The following FREM1 variants were observed in gnomAD, a reference collection of about 807,000 sequenced individuals.
FREM1 encodes the protein FRAS1-related extracellular matrix protein 1.
Under a neutral mutation model 210.1 loss-of-function variants are expected in FREM1, and 220 were observed. The ratio of observed to expected loss-of-function variants is 1.05; its 90% CI spans 0.94 to 1.17. The LOEUF is 1.17. Ranked by LOEUF, FREM1 falls within the 50% of genes most tolerant of loss-of-function variation. FREM1 has a pLI of 0.00. For synonymous variants in FREM1, 1,189 were observed against 980.2 expected (o/e 1.21, Z -3.98); for missense variants, 3,454 against 2,675.5 (o/e 1.29, Z -6.42).
chr9:14,883,435 G>A (rs1340211052), intron 1 of FREM1, among the ~76,000 whole-genome samples: 1 of 152,020 alleles, frequency 6.6e-6, no homozygotes, highest in Admixed American at 6.6e-5. Context: ...TTTTTCTCTT[G>A]GTGTTGGGAA....
intron 12 of FREM1, among the ~76,000 whole-genome samples, chr9:14,823,626 G>GT (rs139214765): frequency 0.26 from 40,071 of 152,022 alleles, 6,124 homozygotes; most frequent in Non-Finnish European, 0.34. Flanking sequence ...AAAGCTCATA[G>GT]TCCTTTATGT....
chr9:14,900,270 C>T (rs933156991), intron 1 of FREM1, among the ~76,000 whole-genome samples: 2 of 152,202 alleles, frequency 1.3e-5, no homozygotes, highest in African/African-American at 4.8e-5. Flanking sequence ...GGGGCCCAGG[C>T]ATCTGAATTT....
chr9:14,876,115 G>GGGGGTGA (rs1554716812), intron 1 of FREM1, among the ~76,000 whole-genome samples: 1 of 151,252 alleles, frequency 6.6e-6, no homozygotes, highest in Non-Finnish European at 1.5e-5. Flanking sequence ...TAGGCTGCTC[G>GGGGGTGA]GGGGTCAGGG....
At position 14,910,317 on chromosome 9, in the gene FREM1, C is replaced by T. The variant is rs566026361; in HGVS notation, c.-671G>A. The T allele has an allele frequency of 2.0e-5, 3 of 152,416 alleles. No homozygotes were observed. Among genetic ancestry groups the T allele is most frequent in the East Asian group, 1.9e-4 (1 of 5,186 alleles). The allele number at this position is 152,416 out of a possible 1,614,324, so 9.4% of individuals were successfully genotyped here. A position where few individuals can be genotyped will look rare whatever the true frequency, so the allele number is the denominator to read the frequency against. On this transcript the variant is annotated 5_prime_UTR_variant, in exon 1 of 37. Coordinates refer to ENST00000380880, the MANE Select transcript of FREM1 (RefSeq NM_001379081.2). ...CCTGGCGGACAGCCACCGCTAGCCC[C>T]GTGCCTTCTGCTGGTTGGGTCCGCA...
At chr9:14,756,276 G>T in intron 29 of FREM1, 98 bp downstream of exon 29, 1 of 882,194 alleles carries the variant, frequency 1.1e-6, no homozygotes. Context: ...GTTGGCTAAA[G>T]TTGTGTAACA....
chr9:14,853,806 A>C (rs1225888244), intron 5 of FREM1, among the ~76,000 whole-genome samples: 2 of 152,218 alleles, frequency 1.3e-5, no homozygotes, highest in African/African-American at 4.8e-5. Context: ...GTCACTGGGA[A>C]GAAGTATTAT....
chr9:14,878,308 A>C (rs1292227643), intron 1 of FREM1, among the ~76,000 whole-genome samples: 2 of 151,902 alleles, frequency 1.3e-5, no homozygotes, highest in African/African-American at 4.8e-5. Flanking sequence ...TCCTCAAACA[A>C]ATCAAGATCC....
chr9:14,784,310 T>G, intron 24 of FREM1, 60 bp downstream of exon 24: 1 of 1,495,808 alleles, frequency 6.7e-7, no homozygotes, highest in Non-Finnish European at 9.2e-7. Context: ...CATTAACAGA[T>G]CTCCTTTTCT....
At chr9:14,900,996 AG>A (rs2132601465) in intron 1 of FREM1, among the ~76,000 whole-genome samples, 2 of 152,366 alleles carry the variant, frequency 1.3e-5, no homozygotes, top group South Asian at 2.1e-4. Flanking sequence ...CATAAAGTTT[AG>A]CTACTAAAAT....
At chr9:14,786,309 AC>A (rs1239723711) in intron 23 of FREM1, among the ~76,000 whole-genome samples, 1 of 152,172 alleles carries the variant, frequency 6.6e-6, no homozygotes, top group African/African-American at 2.4e-5. Flanking sequence ...TGTCTTTAAT[AC>A]CTAGGGAGCT....
chr9:14,824,259 ATTCTAGCATTAAGTCCAGT>A (rs1303339633), intron 11 of FREM1, 144 bp from the exon 12 acceptor site: 12 of 597,158 alleles, frequency 2.0e-5, no homozygotes, highest in Non-Finnish European at 3.6e-5. Flanking sequence ...ATGTTGGGAG[ATTCTAGCATTAAGTCCAGT>A]TTCATCAACA....
At chr9:14,835,893 T>A (rs1824488083) in intron 10 of FREM1, among the ~76,000 whole-genome samples, 1 of 152,248 alleles carries the variant, frequency 6.6e-6, no homozygotes, top group South Asian at 2.1e-4. Context: ...CCTAGTCTCT[T>A]GTTTTTCAGC....
chr9:14,887,579 A>G (rs1440841090), intron 1 of FREM1, among the ~76,000 whole-genome samples: 1 of 152,216 alleles, frequency 6.6e-6, no homozygotes, highest in East Asian at 1.9e-4. Flanking sequence ...TTCAGAGTGA[A>G]TGTTCTCAGA....
chr9:14,766,621 T>C lies in FREM1; in HGVS notation c.5204+3103A>G, dbSNP rs577159832. The stretch of plus-strand genomic sequence containing the variant: ...TCAGGACTCCACAGGAATCCTGCAA[T>C]AGCCAAAACTGACCAACAGTCAAGA... On this transcript the variant is annotated intron_variant, in intron 27 of 36. Coordinates refer to ENST00000380880, the MANE Select transcript of FREM1 (RefSeq NM_001379081.2). Among the ~76,000 whole-genome samples the C allele has an allele frequency of 4.7e-4, 72 of 152,264 alleles. No individual in the cohort carries two copies. The Middle Eastern group carries it at 0.027, about 58-fold the overall frequency.
At chr9:14,857,148 T>C (rs933912040) in intron 5 of FREM1, among the ~76,000 whole-genome samples, 2 of 151,860 alleles carry the variant, frequency 1.3e-5, no homozygotes, top group Admixed American at 6.6e-5. Context: ...TTCTCCTCCC[T>C]CCCCCTAGTT....
intron 1 of FREM1, among the ~76,000 whole-genome samples, chr9:14,875,977 C>T (rs571988611): frequency 1.3e-5 from 2 of 152,328 alleles, no homozygotes; most frequent in South Asian, 2.1e-4. Flanking sequence ...ACAGCAGTGG[C>T]TGCAGAACAG....
rs1409442643 is a variant in FREM1, at chr9:14,769,800, G to C, written c.5128C>G (p.Pro1710Ala). The change falls in exon 27 of 37, where the codon CCA (proline) becomes GCA (alanine). Residue 1710 changes from proline to alanine, a missense_variant. Transcript: ENST00000380880. ...NSKTILYIIN[P>A]SLEVNSDTVE... The stretch of plus-strand genomic sequence containing the variant: ...GTATCTGAATTTACTTCCAAAGATG[G>C]GTTTATGATGTAAAGAATAGTCTTA... The C allele has an allele frequency of 6.2e-7, 1 of 1,609,360 alleles. No individual in the cohort carries two copies. The highest frequency in any genetic ancestry group is 2.2e-5 in the East Asian group (1 of 44,764).
At chr9:14,824,505 T>C (rs1433301009) in intron 11 of FREM1, among the ~76,000 whole-genome samples, 1 of 152,196 alleles carries the variant, frequency 6.6e-6, no homozygotes, top group Non-Finnish European at 1.5e-5. Context: ...CTCAATAAAT[T>C]GTACTAAAAG....
At chr9:14,852,939 G>T (rs1303328249) in intron 5 of FREM1, among the ~76,000 whole-genome samples, 1 of 152,182 alleles carries the variant, frequency 6.6e-6, no homozygotes. Context: ...CAAGTTGTCT[G>T]GAACTAATTC....
Sources: gnomAD v4.1 joint callset for allele counts (sites outside exome capture counted in the v4.1 genomes callset) on GRCh38, gnomAD v4.1.1 for gene constraint, MANE v1.5 for transcripts, NCBI Gene and HGNC (gene_info 2026-07-23, HGNC 2026-07-21) for gene names.